Variants in LPP observed in about 807,000 individuals in gnomAD.
The protein encoded by LPP is lipoma-preferred partner.
A neutral mutation model predicts 60.4 loss-of-function variants in LPP; 38 were observed. That is an observed-to-expected ratio of 0.63 (90% CI 0.49 to 0.83). The LOEUF (loss-of-function observed/expected upper bound fraction) is 0.83. Ranked by LOEUF, LPP falls within the 40% of genes least tolerant of loss-of-function variation. The pLI, the probability that LPP is intolerant of heterozygous loss-of-function variation, is 0.00. For missense variants in LPP, 902 were observed against 783.6 expected (o/e 1.15, Z -1.80); for synonymous variants, 328 against 290.8 (o/e 1.13, Z -1.30).
intron 9 of LPP, among the ~76,000 whole-genome samples, chr3:188,811,512 A>T (rs565835022): frequency 2.6e-5 from 4 of 151,744 alleles, no homozygotes; most frequent in South Asian, 4.2e-4. Flanking sequence ...TAAGAATTGG[A>T]TTATAGAACT....
At chr3:188,626,607 C>T (rs1846892043) in intron 7 of LPP, among the ~76,000 whole-genome samples, 1 of 152,162 alleles carries the variant, frequency 6.6e-6, no homozygotes. Flanking sequence ...TGGCCACCTT[C>T]TCTCTGTGTC....
intron 7 of LPP, among the ~76,000 whole-genome samples, chr3:188,621,765 T>G (rs188875605): frequency 6.6e-6 from 1 of 152,288 alleles, no homozygotes; most frequent in Admixed American, 6.5e-5. Flanking sequence ...GTTCAAGTGA[T>G]TCTCCTGCCT....
intron 6 of LPP, among the ~76,000 whole-genome samples, chr3:188,592,637 C>T (rs1279856222): frequency 2.1e-5 from 3 of 142,658 alleles, no homozygotes; most frequent in East Asian, 2.3e-4. Flanking sequence ...CTCCACCTCT[C>T]GGGTTCAAGC....
At chr3:188,803,035 G>C (rs1577657674) in intron 9 of LPP, among the ~76,000 whole-genome samples, 1 of 137,936 alleles carries the variant, frequency 7.2e-6, no homozygotes, top group African/African-American at 2.7e-5. Flanking sequence ...AAATACTTTT[G>C]TTGTATATGC....
chr3:188,358,975 C>T (rs1210268021), intron 3 of LPP, among the ~76,000 whole-genome samples: 3 of 152,160 alleles, frequency 2.0e-5, no homozygotes, highest in East Asian at 3.9e-4. Flanking sequence ...GCCCAGTCTT[C>T]GAGGAAGTCC....
intron 6 of LPP, chr3:188,569,119 G>A (rs1039774474): frequency 6.6e-6 from 1 of 150,942 alleles, no homozygotes; most frequent in African/African-American, 2.4e-5. Flanking sequence ...TGAAGTATCT[G>A]GAAAATGGAG....
intron 1 of LPP, among the ~76,000 whole-genome samples, chr3:188,201,174 T>C (rs1730983225): frequency 6.6e-6 from 1 of 152,120 alleles, no homozygotes; most frequent in Non-Finnish European, 1.5e-5. Context: ...GATTTGGCAA[T>C]GTGGGGAGAG....
At chr3:188,176,601 A>C (rs577061123) in intron 1 of LPP, among the ~76,000 whole-genome samples, 1 of 152,336 alleles carries the variant, frequency 6.6e-6, no homozygotes, top group African/African-American at 2.4e-5. Context: ...CTAATTAAAA[A>C]AAAAAAAATC....
At chr3:188,589,021 C>A (rs1030032416) in intron 6 of LPP, among the ~76,000 whole-genome samples, 2 of 151,992 alleles carry the variant, frequency 1.3e-5, no homozygotes, top group African/African-American at 2.4e-5. Context: ...CTTCTTGAGT[C>A]CATGGACTTC....
At chr3:188,444,450 T>C (rs1358590550) in intron 4 of LPP, among the ~76,000 whole-genome samples, 2 of 152,192 alleles carry the variant, frequency 1.3e-5, no homozygotes, top group Non-Finnish European at 2.9e-5. Context: ...ATACATTTGT[T>C]ATACTTGAAC....
chr3:188,650,000 A>G (rs908990786), intron 7 of LPP, among the ~76,000 whole-genome samples: 7 of 152,172 alleles, frequency 4.6e-5, no homozygotes, highest in Admixed American at 3.3e-4. Context: ...CTATCTATCT[A>G]TCTATCCATC....
At chr3:188,550,439 G>C (rs1190491632) in intron 6 of LPP, among the ~76,000 whole-genome samples, 1 of 151,874 alleles carries the variant, frequency 6.6e-6, no homozygotes, top group Non-Finnish European at 1.5e-5. Flanking sequence ...TTAGTTGGGT[G>C]TGGTGGCATG....
chr3:188,636,859 A>T (rs926042083), intron 7 of LPP, among the ~76,000 whole-genome samples: 17 of 149,526 alleles, frequency 1.1e-4, no homozygotes, highest in African/African-American at 4.3e-4. Context: ...TGTCTGTTAG[A>T]AGGAAAACTA....
intron 4 of LPP, among the ~76,000 whole-genome samples, chr3:188,453,403 T>C (rs1207352572): frequency 6.6e-6 from 1 of 152,096 alleles, no homozygotes; most frequent in Non-Finnish European, 1.5e-5. Flanking sequence ...CTCAGCTCCT[T>C]GTATGATACC....
At position 188,572,439 on chromosome 3, in the gene LPP, G is replaced by A. The variant is rs1218466021; in HGVS notation, c.430-36722G>A. 6.6e-6 allele frequency among the ~76,000 whole-genome samples: 1 copy of A among 152,058 alleles called. No individual in the cohort carries two copies. Among genetic ancestry groups the A allele is most frequent in the Non-Finnish European group, 1.5e-5 (1 of 68,000 alleles). On this transcript the variant is annotated intron_variant, in intron 6 of 11. Transcript: ENST00000617246. This position sits in a 1 kb window ranked among gnomAD's most constrained non-coding sequence, Gnocchi z 4.1. Reference sequence around the variant, plus strand: ...GACTCCTCATTAGGATTTGGGTAGAGGTTAATGTCGGTAGACACATTATTA... The same window carrying A: ...GACTCCTCATTAGGATTTGGGTAGAAGTTAATGTCGGTAGACACATTATTA...
At chr3:188,679,618 T>C (rs1411267880) in intron 7 of LPP, among the ~76,000 whole-genome samples, 2 of 151,978 alleles carry the variant, frequency 1.3e-5, no homozygotes, top group South Asian at 2.1e-4. Context: ...GAGGAACTGG[T>C]AAATTTGCCT....
intron 4 of LPP, among the ~76,000 whole-genome samples, chr3:188,422,887 C>A (rs1262393478): frequency 7.3e-6 from 1 of 137,022 alleles, no homozygotes; most frequent in African/African-American, 2.8e-5. Context: ...ATGTTCCTTA[C>A]CATATTTTTC....
intron 7 of LPP, among the ~76,000 whole-genome samples, chr3:188,613,674 A>C (rs1560644836): frequency 6.6e-6 from 1 of 152,108 alleles, no homozygotes; most frequent in East Asian, 1.9e-4. Context: ...ATCTTTCAGT[A>C]AATCTAAAAG....
chr3:188,498,527 A>G (rs994629817), intron 5 of LPP, among the ~76,000 whole-genome samples: 1 of 152,188 alleles, frequency 6.6e-6, no homozygotes, highest in Admixed American at 6.5e-5. Flanking sequence ...GTCATGCTAT[A>G]TATATGTCAT....
Sources: allele counts gnomAD v4.1 joint callset (sites outside exome capture counted in the v4.1 genomes callset), GRCh38; gene constraint gnomAD v4.1.1; non-coding constraint Gnocchi (gnomAD v3.1); transcripts MANE v1.5; gene names NCBI Gene and HGNC (gene_info 2026-07-23, HGNC 2026-07-21).